The following RTN1 variants were observed in gnomAD, a reference collection of about 807,000 sequenced individuals.
RTN1 encodes the protein reticulon 1.
A neutral mutation model predicts 65.5 loss-of-function variants in RTN1; 25 were observed. That is an observed-to-expected ratio of 0.38 (90% CI 0.28 to 0.53). RTN1 has a LOEUF of 0.53. Ranked by LOEUF, RTN1 falls within the 20% of genes least tolerant of loss-of-function variation. The pLI is 0.79. For synonymous variants in RTN1, 471 were observed against 447.6 expected, an observed-to-expected ratio of 1.05 and a Z score of -0.66; for missense variants, 983 against 1,025.4, an observed-to-expected ratio of 0.96 and a Z score of 0.57.
chr14:59,597,936 A>C (rs1881454707), intron 8 of RTN1, among the ~76,000 whole-genome samples: 1 of 152,198 alleles, frequency 6.6e-6, no homozygotes, highest in African/African-American at 2.4e-5. Flanking sequence ...GGCAGGGACC[A>C]GATGGTGGGT....
chr14:59,608,001 T>C (rs188877958), intron 3 of RTN1, among the ~76,000 whole-genome samples: 1 of 152,118 alleles, frequency 6.6e-6, no homozygotes, highest in African/African-American at 2.4e-5. Context: ...GATTTAAAAA[T>C]CTGAAATGAA....
intron 3 of RTN1, among the ~76,000 whole-genome samples, chr14:59,616,645 A>G (rs1882109627): frequency 6.6e-6 from 1 of 152,250 alleles, no homozygotes; most frequent in Non-Finnish European, 1.5e-5. Context: ...GTATGCCACA[A>G]AAGTAAACAA....
intron 3 of RTN1, among the ~76,000 whole-genome samples, chr14:59,614,553 T>A (rs762005065): frequency 6.6e-6 from 1 of 152,242 alleles, no homozygotes; most frequent in Non-Finnish European, 1.5e-5. Context: ...TAAAGACAGT[T>A]TTAAAGATTA....
chr14:59,637,478 C>G (rs1342345714), intron 3 of RTN1, among the ~76,000 whole-genome samples: 2 of 152,178 alleles, frequency 1.3e-5, no homozygotes, highest in Non-Finnish European at 2.9e-5. Context: ...CTTTGGGAGG[C>G]TGAGGCAGGC....
rs556416488 is a variant in RTN1, at chr14:59,607,933, G to T, written c.1766-441C>A. 7.3e-5 allele frequency among the ~76,000 whole-genome samples: 11 copies of T among 151,418 alleles called. No individual in the cohort carries two copies. In the South Asian group the frequency reaches 2.3e-3, roughly 32 times the overall value. ...AAAAAAAAGAGAGAGAGAGCCCCTG[G>T]AGCTGACATGTGGACTAAACCATTT... On this transcript the variant is annotated intron_variant, in intron 3 of 8. Coordinates refer to ENST00000267484, the MANE Select transcript of RTN1 (RefSeq NM_021136.3).
chr14:59,786,220 A>G (rs897870376), intron 1 of RTN1, among the ~76,000 whole-genome samples: 1 of 152,208 alleles, frequency 6.6e-6, no homozygotes, highest in Non-Finnish European at 1.5e-5. Flanking sequence ...ACAGAAGTCC[A>G]TGGAAACAGC....
chr14:59,731,904 C>T (rs1276182751), intron 2 of RTN1, among the ~76,000 whole-genome samples: 2 of 152,276 alleles, frequency 1.3e-5, no homozygotes, highest in East Asian at 1.9e-4. Flanking sequence ...TACCCATTTC[C>T]ACCATCACTA....
At chr14:59,703,431 T>G (rs1884222783) in intron 3 of RTN1, among the ~76,000 whole-genome samples, 1 of 152,118 alleles carries the variant, frequency 6.6e-6, no homozygotes, top group Admixed American at 6.5e-5. Flanking sequence ...CTCACTCTCT[T>G]GCTCTCACTC....
intron 1 of RTN1, among the ~76,000 whole-genome samples, chr14:59,824,661 C>T (rs1886999626): frequency 6.6e-6 from 1 of 152,224 alleles, no homozygotes; most frequent in Non-Finnish European, 1.5e-5. Context: ...TGGAGCCCTT[C>T]ACTTTTATTC....
intron 1 of RTN1, among the ~76,000 whole-genome samples, chr14:59,864,552 G>GA (rs56409250): frequency 0.22 from 33,353 of 150,330 alleles, 4,127 homozygotes; most frequent in East Asian, 0.56. Flanking sequence ...CCCCCACCAA[G>GA]AAAAAAAAAG....
At chr14:59,601,950 C>T (rs1258254612) in intron 8 of RTN1, among the ~76,000 whole-genome samples, 2 of 152,192 alleles carry the variant, frequency 1.3e-5, no homozygotes, top group African/African-American at 4.8e-5. Flanking sequence ...GTATTGGTTA[C>T]ACCTGGGTCC....
At chr14:59,706,844 A>G (rs1170324100) in intron 3 of RTN1, among the ~76,000 whole-genome samples, 1 of 152,254 alleles carries the variant, frequency 6.6e-6, no homozygotes, top group Non-Finnish European at 1.5e-5. Context: ...AATAGCACTT[A>G]GGATTGACAG....
intron 1 of RTN1, among the ~76,000 whole-genome samples, chr14:59,796,320 T>G (rs1468975445): frequency 6.6e-6 from 1 of 152,130 alleles, no homozygotes. Flanking sequence ...GCTCACATGA[T>G]GACAAAATTG....
chr14:59,741,708 T>C (rs1885120685), intron 2 of RTN1, among the ~76,000 whole-genome samples: 1 of 152,168 alleles, frequency 6.6e-6, no homozygotes, highest in African/African-American at 2.4e-5. Flanking sequence ...AATGGTGTTC[T>C]CTGCCCCACT....
Position 59,643,481 on chromosome 14 carries a change from G to A in RTN1, c.1766-35989C>T, listed in dbSNP as rs374528096. Among the ~76,000 whole-genome samples the A allele has an allele frequency of 4.7e-4, 72 of 152,320 alleles. No homozygotes were observed. In the South Asian group the frequency reaches 6.8e-3, roughly 14 times the overall value. ...GACCCATCCGCGTTGGCCTCCCAAA[G>A]TGCTAGGATTACAGGCGTGGGCCAC... On this transcript the variant is annotated intron_variant, in intron 3 of 8. Transcript: ENST00000267484.
chr14:59,749,454 CTA>C lies in RTN1; in HGVS notation c.242-2975_242-2974del, dbSNP rs1305717472. On this transcript the variant is annotated intron_variant, in intron 1 of 8. Coordinates refer to ENST00000267484, the MANE Select transcript of RTN1 (RefSeq NM_021136.3). ...TATATATATCTATATCTATATATAT[CTA>C]TATATATCTAATCTATCTATATATC... 3.1e-5 allele frequency among the ~76,000 whole-genome samples: 3 copies of C among 97,904 alleles called. 1 individual carries two copies. The highest frequency in any genetic ancestry group is 8.8e-5 in the African/African-American group (2 of 22,842). The allele number at this position is 97,904 out of a possible 152,430, so 64.2% of individuals were successfully genotyped here. A position where few individuals can be genotyped will look rare whatever the true frequency, so the allele number is the denominator to read the frequency against.
Position 59,727,337 on chromosome 14 carries a change from G to T in RTN1, c.1347C>A (p.Ile449=). ...GCTCCTCCCTCAGGATGCTGTACTGGATGGATGGCGAGGCGGGCGAGGGCG... is the reference window on the plus strand; with the variant it reads ...GCTCCTCCCTCAGGATGCTGTACTGTATGGATGGCGAGGCGGGCGAGGGCG... ...GPPPSPASPS[I]QYSILREERE... is the part of the protein sequence containing the mutation. The change falls in exon 3 of 9, where the codon ATC becomes ATA. Residue 449 remains isoleucine, a synonymous_variant. Coordinates refer to ENST00000267484, the MANE Select transcript of RTN1 (RefSeq NM_021136.3). The surrounding 1 kb of genome is among the most constrained non-coding windows in gnomAD (Gnocchi z 4.2). 1 of 1,518,134 alleles carries T rather than the reference G, an allele frequency of 6.6e-7. No homozygotes were observed. Among genetic ancestry groups the T allele is most frequent in the African/African-American group, 1.4e-5 (1 of 72,592 alleles). 94.0% of individuals were successfully genotyped at this position (1,518,134 alleles called of 1,614,324 possible). A position where few individuals can be genotyped will look rare whatever the true frequency, so the allele number is the denominator to read the frequency against.
chr14:59,809,903 G>A (rs1886698906), intron 1 of RTN1, among the ~76,000 whole-genome samples: 1 of 152,082 alleles, frequency 6.6e-6, no homozygotes, highest in Non-Finnish European at 1.5e-5. Flanking sequence ...ATTTTGAAGG[G>A]AAAACTTCTG....
chr14:59,737,438 A>C lies in RTN1; in HGVS notation c.1015+8270T>G, dbSNP rs377504462. On this transcript the variant is annotated intron_variant, in intron 2 of 8. Transcript: ENST00000267484. ...CAATTGCCACAAAAATAAAATACCT[A>C]GGAATACAGCTAACAAGGGATGTGA... Among the ~76,000 whole-genome samples the C allele has an allele frequency of 5.1e-4, 77 of 152,306 alleles. 1 individual carries two copies. The highest frequency in any genetic ancestry group is 1.7e-3 in the African/African-American group (72 of 41,570).
Sources: allele counts gnomAD v4.1 joint callset (sites outside exome capture counted in the v4.1 genomes callset), GRCh38; gene constraint gnomAD v4.1.1; non-coding constraint Gnocchi (gnomAD v3.1); transcripts MANE v1.5; gene names NCBI Gene and HGNC (gene_info 2026-07-23, HGNC 2026-07-21).